Variants in DPP10 observed in about 807,000 individuals in gnomAD.
The protein encoded by DPP10 is inactive dipeptidyl peptidase 10.
DPP10 carries 33 observed loss-of-function variants against 120.9 expected under a neutral mutation model. The observed-to-expected ratio is 0.27, with a 90% CI of 0.21 to 0.37. The LOEUF (loss-of-function observed/expected upper bound fraction) is 0.37, where lower values mean the gene tolerates loss of function less well. Among genes scored for constraint, DPP10 ranks in the 10% least tolerant of loss-of-function variants. DPP10 has a pLI of 1.00. For synonymous variants in DPP10, 337 were observed against 326.1 expected (o/e 1.03, Z -0.36); for missense variants, 816 against 942.8 (o/e 0.87, Z 1.76).
At chr2:115,379,736 G>A (rs1447412555) in intron 3 of DPP10, among the ~76,000 whole-genome samples, 2 of 152,046 alleles carry the variant, frequency 1.3e-5, no homozygotes, top group Non-Finnish European at 2.9e-5. Context: ...GCGTCCCAGA[G>A]ATTCTGGTAT....
At chr2:115,357,883 A>G (rs2064506545) in intron 3 of DPP10, among the ~76,000 whole-genome samples, 1 of 152,192 alleles carries the variant, frequency 6.6e-6, no homozygotes, top group African/African-American at 2.4e-5. Context: ...AGGGATTTGT[A>G]TCCTCTGAAG....
At chr2:114,738,062 C>T (rs1484560459) in intron 1 of DPP10, among the ~76,000 whole-genome samples, 1 of 152,058 alleles carries the variant, frequency 6.6e-6, no homozygotes, top group African/African-American at 2.4e-5. Flanking sequence ...ATGGCCAGAG[C>T]AGGAGAGATA....
intron 3 of DPP10, among the ~76,000 whole-genome samples, chr2:115,410,013 G>A (rs906055581): frequency 1.3e-5 from 2 of 152,176 alleles, no homozygotes; most frequent in African/African-American, 4.8e-5. Context: ...TTACATTTAA[G>A]TCTTCAATTC....
chr2:115,701,405 C>G, intron 7 of DPP10, among the ~76,000 whole-genome samples: 1 of 152,142 alleles, frequency 6.6e-6, no homozygotes, highest in South Asian at 2.1e-4. Flanking sequence ...AAAATAAACT[C>G]TTACCTAATA....
At chr2:115,764,799 G>T (rs556307211) in intron 12 of DPP10, among the ~76,000 whole-genome samples, 132 of 152,004 alleles carry the variant, frequency 8.7e-4, no homozygotes, top group African/African-American at 3.0e-3. Context: ...GAAATACTTA[G>T]AGTTATATGA....
At chr2:115,623,730 G>A (rs2149291287) in intron 5 of DPP10, among the ~76,000 whole-genome samples, 1 of 152,244 alleles carries the variant, frequency 6.6e-6, no homozygotes, top group South Asian at 2.1e-4. Context: ...CTGAGGAGGA[G>A]ACTCTCCTCT....
chr2:114,883,491 A>G (rs1691813361), intron 1 of DPP10, among the ~76,000 whole-genome samples: 1 of 152,218 alleles, frequency 6.6e-6, no homozygotes, highest in African/African-American at 2.4e-5. Flanking sequence ...ATGCATATGA[A>G]TAAACATATT....
intron 1 of DPP10, among the ~76,000 whole-genome samples, chr2:114,536,540 G>C (rs1686512855): frequency 6.6e-6 from 1 of 151,554 alleles, no homozygotes; most frequent in Non-Finnish European, 1.5e-5. Context: ...TGAGTAGCTG[G>C]GACTACAGGC....
chr2:115,718,044 T>C (rs1342345208), intron 7 of DPP10, among the ~76,000 whole-genome samples: 1 of 151,880 alleles, frequency 6.6e-6, no homozygotes, highest in Non-Finnish European at 1.5e-5. Context: ...ATAGAGAAAA[T>C]GGGTGCGTGG....
At chr2:115,038,582 A>G (rs1039197834) in intron 1 of DPP10, among the ~76,000 whole-genome samples, 1 of 152,134 alleles carries the variant, frequency 6.6e-6, no homozygotes, top group Non-Finnish European at 1.5e-5. Context: ...CAGCCTCAGC[A>G]CATATTTATT....
intron 12 of DPP10, among the ~76,000 whole-genome samples, chr2:115,767,596 G>A (rs1175481556): frequency 2.0e-5 from 3 of 151,178 alleles, no homozygotes; most frequent in Non-Finnish European, 4.4e-5. Flanking sequence ...ATATATATAT[G>A]TGGCTTTCAT....
chr2:115,384,066 A>T (rs2066658893), intron 3 of DPP10, among the ~76,000 whole-genome samples: 1 of 152,210 alleles, frequency 6.6e-6, no homozygotes. Flanking sequence ...TTGCTTTGGC[A>T]TGCTGAGCAG....
chr2:115,162,575 C>T (rs998904697), intron 1 of DPP10, among the ~76,000 whole-genome samples: 2 of 152,002 alleles, frequency 1.3e-5, no homozygotes, highest in Non-Finnish European at 2.9e-5. Context: ...AAGAGTGTCC[C>T]AGACATCCGT....
At chr2:114,943,407 G>A (rs1264690821) in intron 1 of DPP10, among the ~76,000 whole-genome samples, 1 of 152,068 alleles carries the variant, frequency 6.6e-6, no homozygotes, top group Non-Finnish European at 1.5e-5. Context: ...CTGAGTAGCT[G>A]GGATTACAGG....
chr2:115,262,777 G>T (rs565668260), intron 1 of DPP10, among the ~76,000 whole-genome samples: 1 of 151,996 alleles, frequency 6.6e-6, no homozygotes. Flanking sequence ...TTACTGTACT[G>T]GCATCTACAT....
At chr2:114,822,593 G>A (rs1686193660) in intron 1 of DPP10, among the ~76,000 whole-genome samples, 1 of 152,038 alleles carries the variant, frequency 6.6e-6, no homozygotes, top group African/African-American at 2.4e-5. Flanking sequence ...TGCATTGCCA[G>A]GCTGCAAATT....
intron 1 of DPP10, among the ~76,000 whole-genome samples, chr2:115,163,228 C>T (rs1176352113): frequency 6.6e-6 from 1 of 152,182 alleles, no homozygotes; most frequent in African/African-American, 2.4e-5. Context: ...GGGAGCTGTC[C>T]AAATCGCCCA....
At chr2:115,799,384 A>G (rs116800582) in intron 19 of DPP10, among the ~76,000 whole-genome samples, 2,773 of 152,138 alleles carry the variant, frequency 0.018, 88 homozygotes, top group African/African-American at 0.061. Flanking sequence ...AAAAAAGTCC[A>G]TCTATATAAC....
intron 7 of DPP10, among the ~76,000 whole-genome samples, chr2:115,716,185 C>T (rs1483799125): frequency 6.6e-6 from 1 of 152,142 alleles, no homozygotes; most frequent in Admixed American, 6.5e-5. Flanking sequence ...CACTAGCAGA[C>T]AGTTTATGTT....
Sources: allele counts gnomAD v4.1 joint callset (sites outside exome capture counted in the v4.1 genomes callset), GRCh38; gene constraint gnomAD v4.1.1; transcripts MANE v1.5; gene names NCBI Gene and HGNC (gene_info 2026-07-23, HGNC 2026-07-21).